Variants in PPP2R2A observed in about 807,000 individuals in gnomAD.
PPP2R2A encodes protein phosphatase 2 regulatory subunit Balpha.
In PPP2R2A, 9 loss-of-function variants were observed where a neutral mutation model predicts 53.2. The ratio of observed to expected loss-of-function variants is 0.17; its 90% CI spans 0.10 to 0.30. The LOEUF (loss-of-function observed/expected upper bound fraction) is 0.30, where lower values mean the gene tolerates loss of function less well. Among genes scored for constraint, PPP2R2A ranks in the 10% least tolerant of loss-of-function variants. The probability of loss-of-function intolerance (pLI) is 1.00; values close to 1 mark genes in which losing one functional copy is unlikely to be tolerated. For missense variants in PPP2R2A, 235 were observed against 534.6 expected (o/e 0.44, Z 5.53); for synonymous variants, 169 against 174.2 (o/e 0.97, Z 0.23).
chr8:26,370,501 T>C lies in PPP2R2A; in HGVS notation c.*88T>C, dbSNP rs1805615083. 2 of 1,441,490 alleles carry C rather than the reference T, an allele frequency of 1.4e-6. No individual in the cohort carries two copies. Among genetic ancestry groups the C allele is most frequent in the African/African-American group, 2.8e-5 (2 of 70,576 alleles). 89.3% of individuals were successfully genotyped at this position (1,441,490 alleles called of 1,614,324 possible). ...CGTTCCTATAAAAGAGAGAGGTCCA[T>C]TGTGGCGCCCCTTTCCAGTGTTTGA... On this transcript the variant is annotated 3_prime_UTR_variant, in exon 10 of 10. Coordinates refer to ENST00000380737, the MANE Select transcript of PPP2R2A (RefSeq NM_002717.4). This position sits in a 1 kb window ranked among gnomAD's most constrained non-coding sequence, Gnocchi z 6.1.
intron 4 of PPP2R2A, among the ~76,000 whole-genome samples, chr8:26,357,926 T>G (rs1160094881): frequency 1.3e-5 from 2 of 152,048 alleles, no homozygotes; most frequent in African/African-American, 4.8e-5. Flanking sequence ...CACATACAGT[T>G]TTATGGAGTT....
chr8:26,346,457 A>G (rs1257573832), intron 3 of PPP2R2A, among the ~76,000 whole-genome samples: 1 of 152,106 alleles, frequency 6.6e-6, no homozygotes, highest in Non-Finnish European at 1.5e-5. Context: ...TACATTATTT[A>G]TTGAAATTTT....
chr8:26,322,618 A>G (rs761134260), intron 2 of PPP2R2A, among the ~76,000 whole-genome samples: 1 of 152,144 alleles, frequency 6.6e-6, no homozygotes, highest in Non-Finnish European at 1.5e-5. Flanking sequence ...AACTACACCC[A>G]GCTGAGTAGT....
rs1008135307 is a variant in PPP2R2A, at chr8:26,321,447, G to C, written c.83-17443G>C. ...TGTCTCTGTGTAACCTTGTCCCTTT[G>C]AGTGTTTCTGGACCTCTCGTGACTT... On this transcript the variant is annotated intron_variant, in intron 2 of 9. Coordinates refer to ENST00000380737, the MANE Select transcript of PPP2R2A (RefSeq NM_002717.4). This position sits in a 1 kb window ranked among gnomAD's most constrained non-coding sequence, Gnocchi z 4.1. 6.6e-6 allele frequency among the ~76,000 whole-genome samples: 1 copy of C among 152,184 alleles called. No individual in the cohort carries two copies. The highest frequency in any genetic ancestry group is 2.4e-5 in the African/African-American group (1 of 41,442).
rs948939703 is a variant in PPP2R2A at position 26,321,001 on chromosome 8, AGAT to A, written c.83-17886_83-17884del. Among the ~76,000 whole-genome samples, 8 of 152,240 alleles carry A rather than the reference AGAT, an allele frequency of 5.3e-5. No homozygotes were observed. The highest frequency in any genetic ancestry group is 1.9e-4 in the African/African-American group (8 of 41,462). On this transcript the variant is annotated intron_variant, in intron 2 of 9. Transcript: ENST00000380737. This position sits in a 1 kb window ranked among gnomAD's most constrained non-coding sequence, Gnocchi z 4.1. ...CCTAAGCCCATGTGTTAAAACAGAC[AGAT>A]GACACACTGAAATGACCAACGAGCA...
At chr8:26,307,911 C>T (rs1439029924) in intron 2 of PPP2R2A, among the ~76,000 whole-genome samples, 1 of 152,090 alleles carries the variant, frequency 6.6e-6, no homozygotes, top group Non-Finnish European at 1.5e-5. Flanking sequence ...CTTCACAGCC[C>T]ATGTACTATA....
intron 2 of PPP2R2A, among the ~76,000 whole-genome samples, chr8:26,313,822 A>C (rs955906974): frequency 2.6e-4 from 40 of 152,310 alleles, no homozygotes; most frequent in African/African-American, 9.6e-4. Context: ...TCTAGAAGGA[A>C]CCAGCCCAGC....
intron 7 of PPP2R2A, chr8:26,363,389 T>C (rs778842690): frequency 5.1e-6 from 1 of 194,490 alleles, no homozygotes; most frequent in East Asian, 1.2e-4. Context: ...GTGTTTCTCA[T>C]GGTGATGATA....
chr8:26,360,918 T>A lies in PPP2R2A; in HGVS notation c.460-56T>A. 6.7e-7 allele frequency: 1 copy of A among 1,481,940 alleles called. No individual in the cohort carries two copies. Among genetic ancestry groups the A allele is most frequent in the Non-Finnish European group, 9.1e-7 (1 of 1,099,126 alleles). 91.8% of individuals were successfully genotyped at this position (1,481,940 alleles called of 1,614,324 possible). A position where few individuals can be genotyped will look rare whatever the true frequency, so the allele number is the denominator to read the frequency against. On this transcript the variant is annotated intron_variant, in intron 5 of 9. Coordinates refer to ENST00000380737, the MANE Select transcript of PPP2R2A (RefSeq NM_002717.4). The surrounding 1 kb of genome is among the most constrained non-coding windows in gnomAD (Gnocchi z 4.5). ...ATAATGAAGTTTTCTGAATCTTAATTGCTATTTGAAACTGAGCCTTTTGTA... is the reference window on the plus strand; with the variant it reads ...ATAATGAAGTTTTCTGAATCTTAATAGCTATTTGAAACTGAGCCTTTTGTA...
At chr8:26,343,102 A>C (rs1011119816) in intron 3 of PPP2R2A, among the ~76,000 whole-genome samples, 1 of 152,028 alleles carries the variant, frequency 6.6e-6, no homozygotes. Context: ...TGAACCTAGG[A>C]GGCGGAGGTT....
chr8:26,351,925 A>G (rs908254473), intron 3 of PPP2R2A, among the ~76,000 whole-genome samples: 6 of 152,262 alleles, frequency 3.9e-5, no homozygotes, highest in Non-Finnish European at 8.8e-5. Context: ...AGTATGTGAC[A>G]TAGCTCATTC....
rs866628729 is a variant in PPP2R2A, at chr8:26,291,545, C to A, written c.-275C>A. ...GCCATTTTGAAAGTGGAGTCGCCTG[C>A]CCCTGCCGCTGCCGCCGCCGCCGTC... On this transcript the variant is annotated 5_prime_UTR_variant, in exon 1 of 10. Coordinates refer to ENST00000380737, the MANE Select transcript of PPP2R2A (RefSeq NM_002717.4). 9.8e-6 allele frequency: 5 copies of A among 509,824 alleles called. No homozygotes were observed. The highest frequency in any genetic ancestry group is 1.7e-5 in the Non-Finnish European group (5 of 287,316). The allele number at this position is 509,824 out of a possible 1,614,324, so 31.6% of individuals were successfully genotyped here. A position where few individuals can be genotyped will look rare whatever the true frequency, so the allele number is the denominator to read the frequency against.
rs983881970 is a variant in PPP2R2A, at chr8:26,372,291, G to C, written c.*1878G>C. 1.3e-5 allele frequency: 2 copies of C among 152,196 alleles called. No homozygotes were observed. The highest frequency in any genetic ancestry group is 2.9e-5 in the Non-Finnish European group (2 of 68,044). The allele number at this position is 152,196 out of a possible 1,614,324, so 9.4% of individuals were successfully genotyped here. On this transcript the variant is annotated 3_prime_UTR_variant, in exon 10 of 10. Transcript: ENST00000380737. Reference sequence around the variant, plus strand: ...TTTATTCTTCACGCTTGACTTGCAAGTGGGATATTCCCCTGCCACAAGTGT... The same window carrying C: ...TTTATTCTTCACGCTTGACTTGCAACTGGGATATTCCCCTGCCACAAGTGT...
At chr8:26,332,410 C>T (rs2117304850) in intron 2 of PPP2R2A, among the ~76,000 whole-genome samples, 1 of 151,132 alleles carries the variant, frequency 6.6e-6, no homozygotes, top group South Asian at 2.1e-4. Flanking sequence ...ATCAAAATAC[C>T]TTTTGAAAAA....
At chr8:26,322,441 G>A (rs1282369462) in intron 2 of PPP2R2A, among the ~76,000 whole-genome samples, 1 of 152,180 alleles carries the variant, frequency 6.6e-6, no homozygotes, top group African/African-American at 2.4e-5. Flanking sequence ...GGACAGTGCT[G>A]TGGTAGAGTG....
chr8:26,319,094 T>C (rs1472093696), intron 2 of PPP2R2A, among the ~76,000 whole-genome samples: 4 of 152,216 alleles, frequency 2.6e-5, no homozygotes, highest in African/African-American at 4.8e-5. Context: ...ATGTTTCATA[T>C]TGGTGGAATC....
In PPP2R2A at chr8:26,371,972, A is replaced by T. The variant is rs115868249; in HGVS notation, c.*1559A>T. 2.1e-3 allele frequency: 313 copies of T among 152,340 alleles called. 4 individuals carry two copies. Among genetic ancestry groups the T allele is most frequent in the African/African-American group, 6.9e-3 (286 of 41,586 alleles). The allele number at this position is 152,340 out of a possible 1,614,324, so 9.4% of individuals were successfully genotyped here. A position where few individuals can be genotyped will look rare whatever the true frequency, so the allele number is the denominator to read the frequency against. ...AATGGTAGTCTTATTTTGGTGGAAC[A>T]TAATGTAACAACCTTGAATTTCAGA... On this transcript the variant is annotated 3_prime_UTR_variant, in exon 10 of 10. Coordinates refer to ENST00000380737, the MANE Select transcript of PPP2R2A (RefSeq NM_002717.4).
chr8:26,349,525 T>A (rs1273052311), intron 3 of PPP2R2A, among the ~76,000 whole-genome samples: 1 of 152,234 alleles, frequency 6.6e-6, no homozygotes, highest in Non-Finnish European at 1.5e-5. Context: ...CTGGATTATA[T>A]GGTAGTTCTA....
At chr8:26,291,882 T>C in intron 1 of PPP2R2A, 56 bp downstream of exon 1, 1 of 1,520,624 alleles carries the variant, frequency 6.6e-7, no homozygotes. Context: ...TATTCCTCCC[T>C]CCATCACCCC....
Sources: allele counts gnomAD v4.1 joint callset (sites outside exome capture counted in the v4.1 genomes callset), GRCh38; gene constraint gnomAD v4.1.1; non-coding constraint Gnocchi (gnomAD v3.1); transcripts MANE v1.5; gene names NCBI Gene and HGNC (gene_info 2026-07-23, HGNC 2026-07-21).